The following CSMD1 variants were observed in gnomAD, a reference collection of about 807,000 sequenced individuals.
The protein encoded by CSMD1 is CUB and sushi domain-containing protein 1.
CSMD1 carries 213 observed loss-of-function variants against 417.5 expected under a neutral mutation model. The ratio of observed to expected loss-of-function variants is 0.51; its 90% CI spans 0.46 to 0.57. The LOEUF is 0.57. Among genes scored for constraint, CSMD1 ranks in the 20% least tolerant of loss-of-function variants. CSMD1 has a pLI of 0.00. For synonymous variants in CSMD1, 2,862 were observed against 1,736.8 expected (o/e 1.65, Z -16.11); for missense variants, 6,923 against 4,529.7 (o/e 1.53, Z -15.17).
At chr8:3,167,448 C>G (rs1585535463) in intron 37 of CSMD1, among the ~76,000 whole-genome samples, 1 of 150,422 alleles carries the variant, frequency 6.6e-6, no homozygotes, top group Admixed American at 6.6e-5. Flanking sequence ...AATTCTTGTG[C>G]AATCTACACA....
chr8:4,675,242 T>A (rs578007601), intron 1 of CSMD1, among the ~76,000 whole-genome samples: 1 of 152,330 alleles, frequency 6.6e-6, no homozygotes, highest in East Asian at 1.9e-4. Flanking sequence ...CCATGCAGTA[T>A]TTAAAACACT....
intron 12 of CSMD1, among the ~76,000 whole-genome samples, chr8:3,437,901 C>G (rs751693095): frequency 6.6e-6 from 1 of 152,072 alleles, no homozygotes; most frequent in African/African-American, 2.4e-5. Context: ...GTGTGTGTCA[C>G]CAGGCCTGGC....
intron 1 of CSMD1, among the ~76,000 whole-genome samples, chr8:4,651,456 G>A (rs1012425774): frequency 1.3e-5 from 2 of 152,106 alleles, no homozygotes; most frequent in Non-Finnish European, 2.9e-5. Flanking sequence ...CTTGATTATA[G>A]TCATATACTG....
intron 5 of CSMD1, among the ~76,000 whole-genome samples, chr8:3,760,486 T>G (rs535305803): frequency 6.6e-6 from 1 of 152,216 alleles, no homozygotes; most frequent in African/African-American, 2.4e-5. Context: ...TAGGATTCTA[T>G]TTATAACATA....
At chr8:3,130,558 C>CAA (rs1239579270) in intron 41 of CSMD1, among the ~76,000 whole-genome samples, 1 of 152,172 alleles carries the variant, frequency 6.6e-6, no homozygotes, top group Non-Finnish European at 1.5e-5. Flanking sequence ...GCGTCACAGC[C>CAA]AAATCCCCAG....
At chr8:4,141,708 C>G (rs907936235) in intron 3 of CSMD1, among the ~76,000 whole-genome samples, 3 of 151,134 alleles carry the variant, frequency 2.0e-5, no homozygotes, top group African/African-American at 7.4e-5. Context: ...GCAGGCAATT[C>G]TGATCTAATA....
chr8:3,957,016 A>G (rs1435880333), intron 5 of CSMD1, among the ~76,000 whole-genome samples: 1 of 151,712 alleles, frequency 6.6e-6, no homozygotes, highest in Non-Finnish European at 1.5e-5. Flanking sequence ...ACATGGAAGT[A>G]GAGAGTGACA....
chr8:3,354,503 T>C (rs1585043419), intron 21 of CSMD1, among the ~76,000 whole-genome samples: 1 of 152,258 alleles, frequency 6.6e-6, no homozygotes, highest in African/African-American at 2.4e-5. Flanking sequence ...GTTCATTGTG[T>C]TCTACGCAAC....
intron 12 of CSMD1, among the ~76,000 whole-genome samples, chr8:3,443,890 T>G (rs1474373159): frequency 6.6e-6 from 1 of 152,208 alleles, no homozygotes; most frequent in Non-Finnish European, 1.5e-5. Context: ...GTCTGTGTTG[T>G]AAGATACAGC....
chr8:4,761,330 G>T (rs1473205710), intron 1 of CSMD1, among the ~76,000 whole-genome samples: 2 of 151,706 alleles, frequency 1.3e-5, no homozygotes, highest in African/African-American at 4.8e-5. Flanking sequence ...AAATGTAAAA[G>T]TCAATTTTTA....
Position 3,343,329 on chromosome 8 carries a change from G to C in CSMD1, c.3596C>G (p.Ser1199Cys), listed in dbSNP as rs1455734902. The part of the protein sequence containing the change: ...HLWLEFNTNG[S>C]DTDQGFQLTY... ...GAGTTGAAAACCTTGGTCGGTGTCA[G>C]ATCCATTGGTGTTGAACTCTAGCCA... Residue 1199 changes from serine to cysteine, a missense_variant, in exon 23 of 70, where the codon TCT (serine) becomes TGT (cysteine). Ser to Cys is a moderately radical substitution (Grantham distance 112). Coordinates refer to ENST00000635120, the MANE Select transcript of CSMD1 (RefSeq NM_033225.6). The C allele has an allele frequency of 1.2e-6, 2 of 1,613,772 alleles. No homozygotes were observed. Among genetic ancestry groups the C allele is most frequent in the East Asian group, 4.5e-5 (2 of 44,874 alleles).
intron 1 of CSMD1, among the ~76,000 whole-genome samples, chr8:4,884,422 G>C (rs1031888059): frequency 4.6e-5 from 7 of 151,906 alleles, no homozygotes; most frequent in Non-Finnish European, 1.0e-4. Context: ...TGTTGCTTGT[G>C]CTTTTGCTTT....
intron 2 of CSMD1, among the ~76,000 whole-genome samples, chr8:4,439,491 A>C (rs1005917891): frequency 1.8e-4 from 28 of 152,118 alleles, no homozygotes; most frequent in South Asian, 2.1e-4. Context: ...CCGTTTGACG[A>C]ACAAGCTGAG....
intron 5 of CSMD1, among the ~76,000 whole-genome samples, chr8:3,850,396 C>G (rs1417836884): frequency 6.6e-6 from 1 of 152,190 alleles, no homozygotes; most frequent in Non-Finnish European, 1.5e-5. Flanking sequence ...GAATTCAACT[C>G]CTCAAAATTC....
intron 3 of CSMD1, among the ~76,000 whole-genome samples, chr8:4,385,192 T>G (rs953212524): frequency 3.3e-5 from 5 of 152,120 alleles, no homozygotes; most frequent in African/African-American, 1.2e-4. Context: ...CGTCTTAAAG[T>G]GATGTGATTA....
intron 6 of CSMD1, among the ~76,000 whole-genome samples, chr8:3,744,158 T>C (rs917900039): frequency 1.3e-5 from 2 of 152,098 alleles, no homozygotes; most frequent in African/African-American, 4.8e-5. Flanking sequence ...CTTTTCTGGA[T>C]TGACAAGGGC....
intron 18 of CSMD1, among the ~76,000 whole-genome samples, chr8:3,372,038 G>A (rs558339249): frequency 6.6e-6 from 1 of 152,116 alleles, no homozygotes; most frequent in African/African-American, 2.4e-5. Context: ...GGAAAAGACA[G>A]GATAAAACCT....
At chr8:3,458,417 T>A (rs920940757) in intron 12 of CSMD1, among the ~76,000 whole-genome samples, 2 of 152,108 alleles carry the variant, frequency 1.3e-5, no homozygotes, top group African/African-American at 4.8e-5. Flanking sequence ...AGTCAATGGG[T>A]CTTCTGATAT....
chr8:3,129,018 G>T (rs930489275), intron 41 of CSMD1: 8 of 341,850 alleles, frequency 2.3e-5, no homozygotes, highest in Admixed American at 1.3e-4. Flanking sequence ...CACTTGCTTA[G>T]CCAACCAGAT....
Sources: allele counts gnomAD v4.1 joint callset (sites outside exome capture counted in the v4.1 genomes callset), GRCh38; gene constraint gnomAD v4.1.1; transcripts MANE v1.5; gene names NCBI Gene and HGNC (gene_info 2026-07-23, HGNC 2026-07-21).